The following IGSF5 variants were observed in gnomAD, a reference collection of about 807,000 sequenced individuals.
The protein encoded by IGSF5 is immunoglobulin superfamily member 5.
Under a neutral mutation model 39.4 loss-of-function variants are expected in IGSF5, and 41 were observed. The observed-to-expected ratio is 1.04, with a 90% CI of 0.81 to 1.35. The LOEUF (loss-of-function observed/expected upper bound fraction) is 1.35. Among genes scored for constraint, IGSF5 ranks in the 40% most tolerant of loss-of-function variants. IGSF5 has a pLI of 0.00. For missense variants in IGSF5, 487 were observed against 494.6 expected (o/e 0.98, Z 0.15); for synonymous variants, 183 against 175.3 (o/e 1.04, Z -0.34).
At position 39,776,625 on chromosome 21, in the gene IGSF5, A is replaced by G. The variant is rs148584914; in HGVS notation, c.719-2465A>G. 2.6e-3 allele frequency among the ~76,000 whole-genome samples: 401 copies of G among 152,276 alleles called. 1 individual carries two copies. Among genetic ancestry groups the G allele is most frequent in the African/African-American group, 9.5e-3 (395 of 41,554 alleles). ...AAGTGTCCCTTCCCTTCTGTTAAAC[A>G]TGCATTCTCTGAAAATAAGGCAGGC... On this transcript the variant is annotated intron_variant, in intron 4 of 8. Coordinates refer to ENST00000380588, the MANE Select transcript of IGSF5 (RefSeq NM_001080444.2).
chr21:39,768,179 T>C (rs2080095853), intron 3 of IGSF5, among the ~76,000 whole-genome samples: 1 of 152,310 alleles, frequency 6.6e-6, no homozygotes, highest in African/African-American at 2.4e-5. Context: ...CCATAGAGCT[T>C]GGCCTGAACT....
intron 8 of IGSF5, among the ~76,000 whole-genome samples, chr21:39,798,421 G>A (rs547779943): frequency 3.3e-4 from 50 of 152,300 alleles, no homozygotes; most frequent in Non-Finnish European, 5.6e-4. Flanking sequence ...CCGGGAGTCA[G>A]CTGTATTTCC....
chr21:39,769,455 G>C (rs1401714064), intron 3 of IGSF5, among the ~76,000 whole-genome samples: 1 of 113,444 alleles, frequency 8.8e-6, no homozygotes, highest in Non-Finnish European at 1.7e-5. Context: ...CAACAAGAGT[G>C]AAAGTCTGTC....
chr21:39,753,924 T>TC (rs551112420), intron 2 of IGSF5, among the ~76,000 whole-genome samples: 59 of 151,452 alleles, frequency 3.9e-4, no homozygotes, highest in African/African-American at 1.3e-3. Context: ...GTTGGTGTTT[T>TC]TTTGTTTTTT....
chr21:39,801,111 T>A (rs897429118), intron 8 of IGSF5, 151 bp from the exon 9 acceptor site: 10 of 615,516 alleles, frequency 1.6e-5, no homozygotes, highest in Non-Finnish European at 2.6e-5. Flanking sequence ...TTACCAGAAA[T>A]AATGCAAGAA....
intron 2 of IGSF5, among the ~76,000 whole-genome samples, chr21:39,765,280 G>A (rs1411552089): frequency 1.3e-5 from 2 of 152,154 alleles, no homozygotes; most frequent in Non-Finnish European, 2.9e-5. Flanking sequence ...GTGGACATGT[G>A]TTTTGAGGAA....
At chr21:39,793,971 C>G (rs1320810742) in intron 8 of IGSF5, among the ~76,000 whole-genome samples, 3 of 152,176 alleles carry the variant, frequency 2.0e-5, no homozygotes, top group African/African-American at 7.2e-5. Flanking sequence ...GGACTCAAGT[C>G]CATTCTGCTC....
chr21:39,734,387 C>T, the IGSF5 span, among the ~76,000 whole-genome samples: 24,138 of 147,062 alleles, frequency 0.16, 2,570 homozygotes, highest in African/African-American at 0.3. Context: ...CATGCCACTG[C>T]ACTCCAGCCT....
intron 4 of IGSF5, among the ~76,000 whole-genome samples, chr21:39,775,731 C>T (rs1419078151): frequency 2.0e-5 from 3 of 152,148 alleles, no homozygotes; most frequent in African/African-American, 7.2e-5. Context: ...GTGTGGGTTA[C>T]TCAGGTATAG....
intron 4 of IGSF5, among the ~76,000 whole-genome samples, chr21:39,775,361 T>C (rs1234144099): frequency 1.3e-5 from 2 of 152,214 alleles, no homozygotes; most frequent in Admixed American, 6.5e-5. Context: ...TCATTCACAC[T>C]ATTGATTCGG....
the IGSF5 span, among the ~76,000 whole-genome samples, chr21:39,737,878 T>C: frequency 6.6e-6 from 1 of 152,170 alleles, no homozygotes; most frequent in Non-Finnish European, 1.5e-5. Context: ...CTTTCTGGAA[T>C]GAGGGCCTTA....
At chr21:39,761,992 G>C (rs763930235) in intron 2 of IGSF5, among the ~76,000 whole-genome samples, 29 of 152,276 alleles carry the variant, frequency 1.9e-4, no homozygotes, top group Middle Eastern at 6.8e-3. Context: ...TCAATGGTGG[G>C]TGGCAACCAG....
In IGSF5 at chr21:39,795,953, C is replaced by G. The variant is rs115128154; in HGVS notation, c.1128+2340C>G. ...TAAATAACTGGATCTTTCTACTCATCATGGGGGGACTTTAGGACAAAGTCC... is the reference window on the plus strand; with the variant it reads ...TAAATAACTGGATCTTTCTACTCATGATGGGGGGACTTTAGGACAAAGTCC... On this transcript the variant is annotated intron_variant, in intron 8 of 8. Coordinates refer to ENST00000380588, the MANE Select transcript of IGSF5 (RefSeq NM_001080444.2). 4.0e-3 allele frequency among the ~76,000 whole-genome samples: 602 copies of G among 152,226 alleles called. 5 individuals carry two copies. Among genetic ancestry groups the G allele is most frequent in the African/African-American group, 0.014 (579 of 41,562 alleles).
the IGSF5 span, among the ~76,000 whole-genome samples, chr21:39,728,651 CA>C: frequency 6.6e-6 from 1 of 152,186 alleles, no homozygotes; most frequent in African/African-American, 2.4e-5. Context: ...TGCCTGGTCA[CA>C]ATCCATTTTT....
At chr21:39,788,874 T>A (rs549361561) in intron 6 of IGSF5, among the ~76,000 whole-genome samples, 7 of 152,188 alleles carry the variant, frequency 4.6e-5, no homozygotes, top group Non-Finnish European at 8.8e-5. Flanking sequence ...CACATGTAGT[T>A]ATCAGTATTT....
the IGSF5 span, among the ~76,000 whole-genome samples, chr21:39,714,055 T>A: frequency 1.3e-5 from 2 of 152,310 alleles, no homozygotes; most frequent in African/African-American, 4.8e-5. Flanking sequence ...TGTGAATGAG[T>A]ACTGCTATCC....
At chr21:39,799,836 C>T (rs1230995090) in intron 8 of IGSF5, among the ~76,000 whole-genome samples, 2 of 152,034 alleles carry the variant, frequency 1.3e-5, no homozygotes. Flanking sequence ...AAAATAGAAA[C>T]CTAGACTGTA....
intron 5 of IGSF5, among the ~76,000 whole-genome samples, chr21:39,782,502 C>CA (rs1343004532): frequency 6.6e-6 from 1 of 152,168 alleles, no homozygotes; most frequent in Non-Finnish European, 1.5e-5. Flanking sequence ...ACCTATCAAA[C>CA]AATAACTCCC....
In IGSF5 at chr21:39,770,995, A is replaced by C; in HGVS notation, c.498A>C (p.Ser166=). The C allele has an allele frequency of 6.2e-7, 1 of 1,613,482 alleles. No individual in the cohort carries two copies. Among genetic ancestry groups the C allele is most frequent in the South Asian group, 1.1e-5 (1 of 90,908 alleles). ...NEPCEVTCLP[S]HWTRLPDISW... Reference sequence around the variant, plus strand: ...CTTGTGAAGTTACTTGTCTACCCTCACACTGGACCCGGCTCCCGGATATTT... The same window carrying C: ...CTTGTGAAGTTACTTGTCTACCCTCCCACTGGACCCGGCTCCCGGATATTT... The change falls in exon 4 of 9, where the codon TCA becomes TCC. Residue 166 remains serine, a synonymous_variant. Coordinates refer to ENST00000380588, the MANE Select transcript of IGSF5 (RefSeq NM_001080444.2).
Sources: allele counts gnomAD v4.1 joint callset (sites outside exome capture counted in the v4.1 genomes callset), GRCh38; gene constraint gnomAD v4.1.1; transcripts MANE v1.5; gene names NCBI Gene and HGNC (gene_info 2026-07-23, HGNC 2026-07-21).